Variants in PATJ observed in about 807,000 individuals in gnomAD.
The protein encoded by PATJ is PATJ crumbs cell polarity complex component.
PATJ carries 190 observed loss-of-function variants against 224.9 expected under a neutral mutation model. The ratio of observed to expected loss-of-function variants is 0.84; its 90% confidence interval spans 0.75 to 0.95. The LOEUF (loss-of-function observed/expected upper bound fraction) is 0.95. PATJ is among the 40% of genes least tolerant of loss of function. The pLI is 0.00. For synonymous variants in PATJ, 769 were observed against 820.3 expected, an observed-to-expected ratio of 0.94 and a Z score of 1.07; for missense variants, 2,121 against 2,270.3, an observed-to-expected ratio of 0.93 and a Z score of 1.34.
intron 8 of PATJ, among the ~76,000 whole-genome samples, 153 bp from the exon 9 acceptor site, chr1:61,791,195 G>A (rs1162469179): frequency 6.6e-6 from 1 of 152,208 alleles, no homozygotes; most frequent in Non-Finnish European, 1.5e-5. Flanking sequence ...ATCAATATGG[G>A]AGTAGCACCA....
chr1:61,766,675 A>G (rs1333080765), intron 4 of PATJ, among the ~76,000 whole-genome samples: 1 of 152,242 alleles, frequency 6.6e-6, no homozygotes, highest in African/African-American at 2.4e-5. Context: ...ACATAAGGAA[A>G]GTATCCATGT....
At chr1:61,781,119 C>T (rs1246632725) in intron 7 of PATJ, among the ~76,000 whole-genome samples, 1 of 152,278 alleles carries the variant, frequency 6.6e-6, no homozygotes, top group East Asian at 1.9e-4. Flanking sequence ...GCCACAAAGT[C>T]AGGATTGAGC....
At chr1:61,930,681 C>T (rs1675895856) in intron 27 of PATJ, among the ~76,000 whole-genome samples, 1 of 152,114 alleles carries the variant, frequency 6.6e-6, no homozygotes, top group Admixed American at 6.6e-5. Context: ...GCTGGTACCA[C>T]AAGTGTGTGC....
chr1:62,122,910 T>C, intron 38 of PATJ, 111 bp from the exon 39 acceptor site: 1 of 594,328 alleles, frequency 1.7e-6, no homozygotes, highest in South Asian at 3.0e-5. Context: ...CTTGCTTTAG[T>C]GTCTTCTCTT....
At chr1:62,105,738 T>A (rs932000523) in intron 33 of PATJ, among the ~76,000 whole-genome samples, 10 of 152,062 alleles carry the variant, frequency 6.6e-5, no homozygotes, top group African/African-American at 2.4e-4. Context: ...GGGGGCTGCC[T>A]CTCTAATTGC....
rs1011934853 is a variant in PATJ, at chr1:61,797,281, T to G, written c.1261-6T>G. ...CCTCTGCTTAATGTTTCTCTTGATG[T>G]TTTAGGTCGATGGCGTGAACATTCA... is the stretch of plus-strand genomic sequence containing the variant. On this transcript the variant is annotated splice_region_variant and splice_polypyrimidine_tract_variant and intron_variant, in intron 10 of 43. Transcript: ENST00000642238. 1 of 1,609,902 alleles carries G rather than the reference T, an allele frequency of 6.2e-7. No individual in the cohort carries two copies. The highest frequency in any genetic ancestry group is 1.3e-5 in the African/African-American group (1 of 74,998).
chr1:61,791,528 G>T, intron 9 of PATJ, 81 bp downstream of exon 9: 1 of 842,444 alleles, frequency 1.2e-6, no homozygotes, highest in Non-Finnish European at 1.9e-6. Context: ...AATACTTGCA[G>T]ATTTTAATTT....
At chr1:62,143,044 G>A (rs1005657584) in intron 41 of PATJ, among the ~76,000 whole-genome samples, 1 of 152,178 alleles carries the variant, frequency 6.6e-6, no homozygotes, top group Non-Finnish European at 1.5e-5. Flanking sequence ...ATGATGAACT[G>A]AATTAGGATG....
intron 17 of PATJ, among the ~76,000 whole-genome samples, chr1:61,835,499 G>A (rs1382721826): frequency 6.6e-6 from 1 of 152,140 alleles, no homozygotes; most frequent in Non-Finnish European, 1.5e-5. Context: ...TGCCTCCTGG[G>A]TTCAAGTGAT....
Position 62,141,559 on chromosome 1 carries a change from C to A in PATJ, c.5272-6725C>A, listed in dbSNP as rs192243749. ...GCATGGTGGCATGCACCCGTAATCC[C>A]AGCTACTCGGGAGGCTGAGGCACAA... On this transcript the variant is annotated intron_variant, in intron 41 of 43. Coordinates refer to ENST00000642238, the MANE Select transcript of PATJ (RefSeq NM_001350145.3). Among the ~76,000 whole-genome samples, 959 of 152,078 alleles carry A rather than the reference C, an allele frequency of 6.3e-3. 2 individuals carry two copies. The highest frequency in any genetic ancestry group is 9.6e-3 in the Non-Finnish European group (656 of 67,998).
chr1:61,813,477 A>G (rs1251057931), intron 14 of PATJ, among the ~76,000 whole-genome samples: 1 of 150,744 alleles, frequency 6.6e-6, no homozygotes, highest in Non-Finnish European at 1.5e-5. Flanking sequence ...ACACTTTCAG[A>G]ACCACCTTAT....
At chr1:61,851,450 G>A (rs74588315) in intron 17 of PATJ, among the ~76,000 whole-genome samples, 3 of 152,092 alleles carry the variant, frequency 2.0e-5, no homozygotes, top group South Asian at 4.1e-4. Context: ...ATTAAGCCAC[G>A]CAGCATGACA....
At chr1:61,779,450 A>G (rs538276771) in intron 7 of PATJ, among the ~76,000 whole-genome samples, 1 of 152,358 alleles carries the variant, frequency 6.6e-6, no homozygotes, top group African/African-American at 2.4e-5. Context: ...AGGCTCACCT[A>G]CATCATTGAG....
intron 27 of PATJ, among the ~76,000 whole-genome samples, chr1:61,974,985 C>T (rs1471633052): frequency 6.6e-6 from 1 of 151,976 alleles, no homozygotes; most frequent in Non-Finnish European, 1.5e-5. Flanking sequence ...CATTCTGTTG[C>T]CCAGGCTGGA....
At chr1:61,831,377 A>G (rs150318453) in intron 16 of PATJ, among the ~76,000 whole-genome samples, 13,485 of 152,126 alleles carry the variant, frequency 0.089, 683 homozygotes, top group African/African-American at 0.13. Flanking sequence ...AAAAGAAACT[A>G]TCAACAGAGT....
At chr1:61,869,626 C>T (rs1288402890) in intron 20 of PATJ, among the ~76,000 whole-genome samples, 5 of 152,200 alleles carry the variant, frequency 3.3e-5, no homozygotes, top group Non-Finnish European at 1.5e-5. Flanking sequence ...AATCTTCATA[C>T]TGAAGCCAGA....
At chr1:62,113,811 A>G (rs185777486) in intron 34 of PATJ, among the ~76,000 whole-genome samples, 1 of 152,350 alleles carries the variant, frequency 6.6e-6, no homozygotes, top group East Asian at 1.9e-4. Context: ...TAAAGTTTAT[A>G]GCTATGTAAA....
At chr1:62,132,363 C>T (rs1431047253) in intron 41 of PATJ, among the ~76,000 whole-genome samples, 3 of 152,026 alleles carry the variant, frequency 2.0e-5, no homozygotes, top group Admixed American at 6.6e-5. Context: ...GCCGGATTGG[C>T]GGTGCACCTC....
intron 20 of PATJ, among the ~76,000 whole-genome samples, chr1:61,871,446 CATAT>C (rs1330079342): frequency 2.7e-5 from 1 of 37,464 alleles, no homozygotes; most frequent in Non-Finnish European, 7.2e-5. Flanking sequence ...TGTATATACA[CATAT>C]ATATGCGTAT....
Sources: allele counts gnomAD v4.1 joint callset (sites outside exome capture counted in the v4.1 genomes callset), GRCh38; gene constraint gnomAD v4.1.1; transcripts MANE v1.5; gene names NCBI Gene and HGNC (gene_info 2026-07-23, HGNC 2026-07-21).